Variants in RGS6 observed in about 807,000 individuals in gnomAD.
RGS6 encodes the protein regulator of G protein signaling 6.
RGS6 carries 30 observed loss-of-function variants against 78.5 expected under a neutral mutation model. The ratio of observed to expected loss-of-function variants is 0.38; its 90% confidence interval spans 0.29 to 0.52. The LOEUF (loss-of-function observed/expected upper bound fraction) is 0.52. Ranked by LOEUF, RGS6 falls within the 20% of genes least tolerant of loss-of-function variation. The pLI is 0.85. For missense variants in RGS6, 495 were observed against 609.7 expected (o/e 0.81, Z 1.98); for synonymous variants, 206 against 206.0 (o/e 1.00, Z 0.00).
chr14:72,224,602 TTA>T (rs1206962387), intron 2 of RGS6, among the ~76,000 whole-genome samples: 1 of 152,204 alleles, frequency 6.6e-6, no homozygotes, highest in Non-Finnish European at 1.5e-5. Flanking sequence ...ATGCTCAACT[TTA>T]TGTCTCCTAT....
chr14:72,611,349 G>C, the RGS6 span, among the ~76,000 whole-genome samples: 2 of 152,230 alleles, frequency 1.3e-5, no homozygotes, highest in Admixed American at 6.5e-5. Flanking sequence ...CACGAAGCTA[G>C]GATCTGACAA....
At chr14:72,299,138 A>G (rs191259264) in intron 2 of RGS6, among the ~76,000 whole-genome samples, 131 of 152,300 alleles carry the variant, frequency 8.6e-4, no homozygotes, top group African/African-American at 3.0e-3. Flanking sequence ...CTTTATAGAG[A>G]TATAACTCAC....
intron 2 of RGS6, among the ~76,000 whole-genome samples, chr14:72,299,833 A>G (rs1330789002): frequency 1.3e-5 from 2 of 152,186 alleles, no homozygotes; most frequent in Admixed American, 6.5e-5. Context: ...TGTAGAATCT[A>G]TAGCAATATC....
chr14:72,087,746 C>T (rs1051013500), intron 2 of RGS6, among the ~76,000 whole-genome samples: 7 of 151,512 alleles, frequency 4.6e-5, no homozygotes, highest in East Asian at 3.9e-4. Flanking sequence ...ATCATGGATT[C>T]GCAATTCTTC....
chr14:72,044,088 C>T (rs915634461), intron 2 of RGS6, among the ~76,000 whole-genome samples: 1 of 152,304 alleles, frequency 6.6e-6, no homozygotes, highest in Admixed American at 6.5e-5. Flanking sequence ...TGACTAGTCT[C>T]CTCATGAGCC....
chr14:71,939,267 C>T (rs561533574), intron 1 of RGS6, among the ~76,000 whole-genome samples: 3 of 152,190 alleles, frequency 2.0e-5, no homozygotes, highest in Non-Finnish European at 4.4e-5. Context: ...ACAGGCCCCA[C>T]ACCACTGGAC....
intron 2 of RGS6, among the ~76,000 whole-genome samples, chr14:72,161,411 G>T (rs989438529): frequency 9.2e-5 from 14 of 152,240 alleles, no homozygotes; most frequent in African/African-American, 3.4e-4. Context: ...TAAAGAGGAG[G>T]TGATGGTAAT....
At chr14:72,193,015 T>G (rs939502595) in intron 2 of RGS6, among the ~76,000 whole-genome samples, 2 of 150,270 alleles carry the variant, frequency 1.3e-5, no homozygotes, top group African/African-American at 4.9e-5. Context: ...TTTTTTGAGA[T>G]GGAGTCTCAC....
intron 2 of RGS6, among the ~76,000 whole-genome samples, chr14:72,340,705 G>C (rs1446725419): frequency 6.6e-6 from 1 of 152,164 alleles, no homozygotes. Context: ...CACCCTTCTT[G>C]TTCCATCTGA....
chr14:71,974,213 G>A (rs1229000537), intron 2 of RGS6, among the ~76,000 whole-genome samples: 4 of 151,914 alleles, frequency 2.6e-5, no homozygotes, highest in African/African-American at 4.8e-5. Context: ...AAATAAAAGC[G>A]AATAGATACC....
chr14:72,396,979 G>A (rs2091449192), intron 3 of RGS6, among the ~76,000 whole-genome samples: 1 of 152,208 alleles, frequency 6.6e-6, no homozygotes, highest in Non-Finnish European at 1.5e-5. Flanking sequence ...CAGGTAGCAT[G>A]ATGCCTCCAG....
At chr14:72,010,536 A>G (rs921135264) in intron 2 of RGS6, among the ~76,000 whole-genome samples, 1 of 152,088 alleles carries the variant, frequency 6.6e-6, no homozygotes, top group African/African-American at 2.4e-5. Context: ...CCCCCACCCC[A>G]TACTCATTCC....
intron 2 of RGS6, among the ~76,000 whole-genome samples, chr14:72,191,093 T>A (rs1396345049): frequency 6.6e-6 from 1 of 152,252 alleles, no homozygotes; most frequent in Non-Finnish European, 1.5e-5. Flanking sequence ...TCTCAGTATA[T>A]TTTAAAAGGG....
intron 1 of RGS6, among the ~76,000 whole-genome samples, chr14:71,941,905 G>A (rs1363794494): frequency 6.6e-6 from 1 of 152,138 alleles, no homozygotes; most frequent in African/African-American, 2.4e-5. Context: ...CAAAATGCCT[G>A]TTTGACTTTT....
At chr14:72,023,294 C>T (rs1012997010) in intron 2 of RGS6, among the ~76,000 whole-genome samples, 1 of 152,178 alleles carries the variant, frequency 6.6e-6, no homozygotes, top group African/African-American at 2.4e-5. Flanking sequence ...TCCGGCTACC[C>T]AAGAAAGTCA....
intron 6 of RGS6, among the ~76,000 whole-genome samples, chr14:72,463,945 G>A (rs924686042): frequency 6.6e-6 from 1 of 152,186 alleles, no homozygotes; most frequent in African/African-American, 2.4e-5. Flanking sequence ...CACACCTTAA[G>A]CACCTCATGT....
At chr14:72,305,775 A>G (rs1385693790) in intron 2 of RGS6, among the ~76,000 whole-genome samples, 2 of 152,234 alleles carry the variant, frequency 1.3e-5, no homozygotes, top group African/African-American at 4.8e-5. Context: ...TAAGTGTTCA[A>G]GTGAAAGGAA....
intron 3 of RGS6, among the ~76,000 whole-genome samples, chr14:72,422,407 C>T (rs1239897324): frequency 6.6e-6 from 1 of 152,068 alleles, no homozygotes; most frequent in African/African-American, 2.4e-5. Context: ...GTTATAATAA[C>T]AGAGTGAGAT....
intron 2 of RGS6, among the ~76,000 whole-genome samples, chr14:72,066,365 C>T (rs1460215462): frequency 1.3e-5 from 2 of 152,064 alleles, no homozygotes; most frequent in Non-Finnish European, 2.9e-5. Flanking sequence ...CTGTATGTTA[C>T]TGCTTCAAGC....
Sources: allele counts gnomAD v4.1 joint callset (sites outside exome capture counted in the v4.1 genomes callset), GRCh38; gene constraint gnomAD v4.1.1; transcripts MANE v1.5; gene names NCBI Gene and HGNC (gene_info 2026-07-23, HGNC 2026-07-21).